FAT1: variants seen among roughly 807,000 people sequenced by gnomAD.
The protein encoded by FAT1 is protocadherin Fat 1.
FAT1 carries 171 observed loss-of-function variants against 329.8 expected under a neutral mutation model. That is an observed-to-expected ratio of 0.52 (90% CI 0.46 to 0.59). FAT1 has a LOEUF of 0.59. Ranked by LOEUF, FAT1 falls within the 20% of genes least tolerant of loss-of-function variation. The pLI is 0.00. For missense variants in FAT1, 5,672 were observed against 5,774.4 expected (o/e 0.98, Z 0.57); for synonymous variants, 2,233 against 2,228.6 (o/e 1.00, Z -0.06).
intron 2 of FAT1, among the ~76,000 whole-genome samples, chr4:186,668,010 C>T (rs539769788): frequency 3.3e-5 from 5 of 152,252 alleles, no homozygotes; most frequent in Non-Finnish European, 5.9e-5. Context: ...CAAGGAGTTT[C>T]CCAGTGTGGA....
At position 186,708,667 on chromosome 4, in the gene FAT1, G is replaced by C. The variant is rs2126698151; in HGVS notation, c.1161C>G (p.Val387=). The C allele has an allele frequency of 1.9e-6, 3 of 1,613,874 alleles. No individual in the cohort carries two copies. In the South Asian group the frequency reaches 3.3e-5, roughly 18 times the overall value. ...SEFAPPNTPV[V]MVKAIPAYSH... Reference sequence around the variant, plus strand: ...AATAAGCAGGAATGGCCTTTACCATGACCACAGGTGTGTTGGGAGGAGCAA... The same window carrying C: ...AATAAGCAGGAATGGCCTTTACCATCACCACAGGTGTGTTGGGAGGAGCAA... Residue 387 remains valine, a synonymous_variant, in exon 2 of 27, where the codon GTC becomes GTG. Transcript: ENST00000441802.
chr4:186,645,497 A>AT (rs993342819), intron 3 of FAT1, among the ~76,000 whole-genome samples: 129 of 148,802 alleles, frequency 8.7e-4, no homozygotes, highest in African/African-American at 2.7e-3. Flanking sequence ...ATATGTGAAG[A>AT]TATCTCCATT....
At chr4:186,595,875 G>C in intron 25 of FAT1, 49 bp from the exon 26 acceptor site, 1 of 1,602,066 alleles carries the variant, frequency 6.2e-7, no homozygotes, top group Non-Finnish European at 8.5e-7. Flanking sequence ...AGACGGTTTT[G>C]TTCACCGCTG....
chr4:186,715,065 A>T (rs1252954197), intron 1 of FAT1, among the ~76,000 whole-genome samples: 2 of 148,290 alleles, frequency 1.3e-5, no homozygotes, highest in Non-Finnish European at 2.9e-5. Flanking sequence ...GTGACAGAGC[A>T]AGACTCTGTC....
chr4:186,595,415 GA>G (rs962098921), intron 26 of FAT1, among the ~76,000 whole-genome samples: 16 of 151,904 alleles, frequency 1.1e-4, no homozygotes, highest in African/African-American at 3.6e-4. Context: ...TAACTGTTGT[GA>G]AAAAAAGCCA....
intron 2 of FAT1, among the ~76,000 whole-genome samples, chr4:186,667,876 G>C (rs551864635): frequency 1.3e-5 from 2 of 152,320 alleles, no homozygotes; most frequent in Admixed American, 6.5e-5. Context: ...CGGACAGTCT[G>C]ACTCCAGGCC....
intron 1 of FAT1, among the ~76,000 whole-genome samples, chr4:186,714,707 A>C (rs1745127176): frequency 6.6e-6 from 1 of 152,216 alleles, no homozygotes; most frequent in African/African-American, 2.4e-5. Context: ...TAGTGGTGTG[A>C]TAAGAAACAG....
intron 3 of FAT1, among the ~76,000 whole-genome samples, chr4:186,657,933 C>G (rs570231069): frequency 9.8e-5 from 15 of 152,318 alleles, no homozygotes; most frequent in Admixed American, 3.3e-4. Flanking sequence ...TCACACTAGT[C>G]TCTTTTGTTT....
chr4:186,669,392 G>A (rs1042715780), intron 2 of FAT1, among the ~76,000 whole-genome samples: 1 of 152,192 alleles, frequency 6.6e-6, no homozygotes, highest in African/African-American at 2.4e-5. Flanking sequence ...CGCAGATTTG[G>A]AGCACAGGAG....
Position 186,601,356 on chromosome 4 carries a change from T to C in FAT1, c.11553A>G (p.Leu3851=). The change falls in exon 21 of 27, where the codon TTA becomes TTG. Residue 3851 remains leucine (L), a synonymous_variant. Transcript: ENST00000441802. ...TGAGCCTCATGGTCAGTTTCATCTCTAATTTGTTTTCATTTTCCGTCAGAC... is the reference window on the plus strand; with the variant it reads ...TGAGCCTCATGGTCAGTTTCATCTCCAATTTGTTTTCATTTTCCGTCAGAC... ...KYRLTENENK[L]EMKLTMRLRT... is the part of the protein sequence containing the mutation. The C allele has an allele frequency of 6.2e-7, 1 of 1,613,590 alleles. No homozygotes were observed. The highest frequency in any genetic ancestry group is 1.6e-4 in the Middle Eastern group (1 of 6,062).
rs2126394429 is a variant in FAT1, at chr4:186,597,069, G to A, written c.12471C>T (p.Tyr4157=). The part of the protein sequence containing the change: ...GSYHCNCSHE[Y]RGRHCEDAAP... ...CAGCATCCTCGCAGTGACGTCCCCT[G>A]TACTCGTGGCTGCAGTTGCAGTGAT... is the stretch of plus-strand genomic sequence containing the variant. Residue 4157 remains tyrosine, a synonymous_variant, in exon 25 of 27, where the codon TAC becomes TAT. Coordinates refer to ENST00000441802, the MANE Select transcript of FAT1 (RefSeq NM_005245.4). 1 of 1,614,008 alleles carries A rather than the reference G, an allele frequency of 6.2e-7. No homozygotes were observed. The highest frequency in any genetic ancestry group is 8.5e-7 in the Non-Finnish European group (1 of 1,179,902).
intron 16 of FAT1, among the ~76,000 whole-genome samples, chr4:186,607,642 G>C (rs1412099313): frequency 1.3e-5 from 2 of 151,800 alleles, no homozygotes; most frequent in East Asian, 1.9e-4. Flanking sequence ...TATGTAGATG[G>C]GTGAGTGAAT....
intron 3 of FAT1, among the ~76,000 whole-genome samples, chr4:186,662,905 C>T (rs1029308934): frequency 1.3e-5 from 2 of 151,838 alleles, no homozygotes; most frequent in Admixed American, 1.3e-4. Flanking sequence ...GGCACCATCT[C>T]GGCTCACTGC....
chr4:186,682,216 C>A (rs150864723), intron 2 of FAT1, among the ~76,000 whole-genome samples: 4,888 of 152,238 alleles, frequency 0.032, 115 homozygotes, highest in Non-Finnish European at 0.054. Flanking sequence ...TATTACTTAT[C>A]TTCTGAATTG....
At position 186,617,734 on chromosome 4, in the gene FAT1, T is replaced by C. The variant is rs539876742; in HGVS notation, c.8852A>G (p.Asn2951Ser). ...STTDADSEEI[N>S]RQVTYFITGG... ...TGTTATGAAATATGTAACTTGTCTG[T>C]TGATCTCTTCAGAATCAGCATCCGT... Residue 2951 changes from asparagine (N) to serine (S), a missense_variant, in exon 10 of 27, where the codon AAC (asparagine) becomes AGC (serine). By Grantham distance (46) the Asn-to-Ser change is conservative. Around this residue, in one of 2 missense-constraint regions of FAT1, gnomAD observed 3,966 missense variants for 3,915.2 expected, o/e 1.01. Coordinates refer to ENST00000441802, the MANE Select transcript of FAT1 (RefSeq NM_005245.4). 7.3e-4 allele frequency: 1,157 copies of C among 1,589,866 alleles called. 19 individuals carry two copies. The South Asian group carries it at 0.013, about 17-fold the overall frequency.
At chr4:186,615,028 T>C (rs911692760) in intron 11 of FAT1, among the ~76,000 whole-genome samples, 1 of 152,128 alleles carries the variant, frequency 6.6e-6, no homozygotes, top group Non-Finnish European at 1.5e-5. Flanking sequence ...GTTGATTTTC[T>C]TAATCTGAAC....
At position 186,634,317 on chromosome 4, in the gene FAT1, A is replaced by AT. The variant is rs879587111; in HGVS notation, c.4184-495dup. On this transcript the variant is annotated intron_variant, in intron 6 of 26. Coordinates refer to ENST00000441802, the MANE Select transcript of FAT1 (RefSeq NM_005245.4). ...GGCTACTATAAACTATTTGAAAAGA[A>AT]TTTTTTTTCTCATTTTTGACAAACA... Among the ~76,000 whole-genome samples the AT allele has an allele frequency of 4.6e-5, 7 of 152,226 alleles. No homozygotes were observed. The South Asian group carries it at 1.2e-3, about 27-fold the overall frequency.
At chr4:186,594,088 C>CA (rs1231113765) in intron 26 of FAT1, among the ~76,000 whole-genome samples, 1 of 151,100 alleles carries the variant, frequency 6.6e-6, no homozygotes, top group Non-Finnish European at 1.5e-5. Context: ...TTTTTTGAGA[C>CA]AGAGTCTCGC....
chr4:186,595,998 C>A (rs899583883), intron 25 of FAT1, among the ~76,000 whole-genome samples, 172 bp from the exon 26 acceptor site: 14 of 152,196 alleles, frequency 9.2e-5, no homozygotes, highest in East Asian at 1.9e-4. Flanking sequence ...AAATAAAAAA[C>A]CCCTGCACAG....
Sources: allele counts gnomAD v4.1 joint callset (sites outside exome capture counted in the v4.1 genomes callset), GRCh38; gene constraint gnomAD v4.1.1; regional missense constraint gnomAD v4.1.1; transcripts MANE v1.5; gene names NCBI Gene and HGNC (gene_info 2026-07-23, HGNC 2026-07-21).